ITGB2: variants seen among roughly 807,000 people sequenced by gnomAD.
ITGB2 encodes integrin subunit beta 2, also known as integrin beta-2.
A neutral mutation model predicts 86.8 loss-of-function variants in ITGB2; 56 were observed. That is an observed-to-expected ratio of 0.65 (90% CI 0.52 to 0.81). The LOEUF (loss-of-function observed/expected upper bound fraction) is 0.81. Ranked by LOEUF, ITGB2 falls within the 30% of genes least tolerant of loss-of-function variation. ITGB2 has a pLI of 0.00. For missense variants in ITGB2, 948 were observed against 1,061.2 expected (o/e 0.89, Z 1.48); for synonymous variants, 457 against 450.4 (o/e 1.01, Z -0.19).
chr21:44,920,169 A>C (rs1329564756), intron 1 of ITGB2, among the ~76,000 whole-genome samples: 4 of 152,106 alleles, frequency 2.6e-5, no homozygotes, highest in African/African-American at 9.7e-5. Context: ...ACTACATTAC[A>C]CATGTGCACC....
At chr21:44,888,032 G>A (rs2083724672) in intron 14 of ITGB2, among the ~76,000 whole-genome samples, 1 of 152,262 alleles carries the variant, frequency 6.6e-6, no homozygotes, top group African/African-American at 2.4e-5. Context: ...AGCAGGGCCA[G>A]TGTCACCAAG....
rs749722626 is a variant in ITGB2 at position 44,886,342 on chromosome 21, G to A, written c.*26C>T. 1.2e-6 allele frequency: 2 copies of A among 1,608,992 alleles called. No individual in the cohort carries two copies. The highest frequency in any genetic ancestry group is 2.2e-5 in the South Asian group (2 of 90,968). ...TGATGGGGCAGACATGGTGGGTCCT[G>A]ACGGCCTTGTCTTCACCAAGTGCTC... On this transcript the variant is annotated 3_prime_UTR_variant, in exon 16 of 16. Transcript: ENST00000652462.
chr21:44,901,890 G>A (rs560791894), intron 5 of ITGB2, 157 bp from the exon 6 acceptor site: 79 of 805,916 alleles, frequency 9.8e-5, no homozygotes, highest in African/African-American at 5.2e-4. Flanking sequence ...GAGCATGTGC[G>A]TTGTGCAAGC....
rs771255185 is a variant in ITGB2, at chr21:44,903,368, T to C, written c.496A>G (p.Ile166Val). 7 of 1,613,992 alleles carry C rather than the reference T, an allele frequency of 4.3e-6. No individual in the cohort carries two copies. Among genetic ancestry groups the C allele is most frequent in the Non-Finnish European group, 5.9e-6 (7 of 1,179,924 alleles). ...TCCTGCAGTGCCTGGGCCTCACCAA[T>C]GCGGCCGGACTCGGTGATCTCGTTG... ...ALNEITESGR[I>V]GFGSFVDKTV... Residue 166 changes from isoleucine (I) to valine (V), a missense_variant, in exon 5 of 16, where the codon ATT becomes GTT. Transcript: ENST00000652462.
intron 8 of ITGB2, among the ~76,000 whole-genome samples, chr21:44,895,669 C>T (rs953105338): frequency 1.3e-5 from 2 of 151,892 alleles, no homozygotes; most frequent in Non-Finnish European, 2.9e-5. Flanking sequence ...GGTGAAACCC[C>T]GTCTCTACTA....
chr21:44,918,939 G>GCACTCGGAGCTGAGCAT (rs375232103), intron 1 of ITGB2, among the ~76,000 whole-genome samples: 32 of 75,240 alleles, frequency 4.3e-4, no homozygotes, highest in Admixed American at 3.6e-3. Flanking sequence ...GTGGCTAAGC[G>GCACTCGGAGCTGAGCAT]TCCCCTCTCC....
At chr21:44,890,815 A>G (rs1007619869) in intron 11 of ITGB2, among the ~76,000 whole-genome samples, 1 of 151,934 alleles carries the variant, frequency 6.6e-6, no homozygotes, top group Non-Finnish European at 1.5e-5. Context: ...GTGTCTGAGT[A>G]CCTGTGGCAG....
At chr21:44,919,921 G>A (rs1338999914) in intron 1 of ITGB2, among the ~76,000 whole-genome samples, 1 of 152,184 alleles carries the variant, frequency 6.6e-6, no homozygotes, top group Non-Finnish European at 1.5e-5. Flanking sequence ...GGGGAAGGGG[G>A]CCAGGTGGGC....
intron 1 of ITGB2, among the ~76,000 whole-genome samples, chr21:44,913,318 A>T (rs1362889581): frequency 1.3e-5 from 2 of 152,116 alleles, no homozygotes; most frequent in Non-Finnish European, 2.9e-5. Context: ...GACCAGTGGC[A>T]TGCAAACACT....
At chr21:44,928,048 A>G (rs1448576027) in intron 1 of ITGB2, 6 of 130,318 alleles carry the variant, frequency 4.6e-5, no homozygotes, top group African/African-American at 1.8e-4. Context: ...GCAGCTTCCC[A>G]CACTGGGAGC....
Position 44,926,361 on chromosome 21 carries a change from G to A in ITGB2, c.-4+2293C>T, listed in dbSNP as rs531029538. Among the ~76,000 whole-genome samples the A allele has an allele frequency of 2.3e-3, 352 of 152,326 alleles. 1 individual carries two copies. Among genetic ancestry groups the A allele is most frequent in the African/African-American group, 8.1e-3 (338 of 41,560 alleles). On this transcript the variant is annotated intron_variant, in intron 1 of 15. Coordinates refer to the ITGB2 transcript ENST00000355153. ...GTGGAGACAAGTGAGTAATTGGTGCGTTTAGTGTAAAAATATCAGGTGTGG... is the reference window on the plus strand; with the variant it reads ...GTGGAGACAAGTGAGTAATTGGTGCATTTAGTGTAAAAATATCAGGTGTGG...
At chr21:44,910,008 C>T (rs1304948277) in intron 3 of ITGB2, among the ~76,000 whole-genome samples, 2 of 152,208 alleles carry the variant, frequency 1.3e-5, no homozygotes, top group Non-Finnish European at 2.9e-5. Context: ...TTAAGAAAGA[C>T]CTCCCTTGAA....
At chr21:44,887,635 C>T (rs972298713) in intron 14 of ITGB2, among the ~76,000 whole-genome samples, 81 of 152,094 alleles carry the variant, frequency 5.3e-4, no homozygotes, top group Admixed American at 1.4e-3. Context: ...TCTCACTCCC[C>T]GTGCCCCCTC....
At chr21:44,928,351 CA>C (rs1371958512) in intron 1 of ITGB2, 3 of 152,228 alleles carry the variant, frequency 2.0e-5, no homozygotes, top group African/African-American at 7.2e-5. Context: ...CGATGGACTC[CA>C]GGGGGAAAAC....
At chr21:44,927,944 G>T (rs2084396484) in intron 1 of ITGB2, 1 of 152,374 alleles carries the variant, frequency 6.6e-6, no homozygotes, top group Non-Finnish European at 1.5e-5. Context: ...GGGAAGGCAG[G>T]TGAGTGTAGG....
chr21:44,890,090 C>A lies in ITGB2; in HGVS notation c.1545G>T (p.Gly515=). Residue 515 remains glycine, a synonymous_variant, in exon 12 of 16, where the codon GGG becomes GGT. Transcript: ENST00000652462. The stretch of plus-strand genomic sequence containing the variant: ...CGTCGCTGGTGTGGCACAGGCACTG[C>A]CCGCAGACACAGTCCCCCAGCCCTG... ...ICSGLGDCVC[G]QCLCHTSDVP... is the part of the protein sequence containing the mutation. The A allele has an allele frequency of 6.2e-7, 1 of 1,613,488 alleles. No homozygotes were observed. The highest frequency in any genetic ancestry group is 2.2e-5 in the East Asian group (1 of 44,868).
intron 1 of ITGB2, chr21:44,928,445 A>G (rs1376897221): frequency 6.6e-6 from 1 of 152,392 alleles, no homozygotes; most frequent in African/African-American, 2.4e-5. Flanking sequence ...GAGCAAAAGC[A>G]CCACGCCGAC....
chr21:44,889,403 T>C lies in ITGB2; in HGVS notation c.1750A>G (p.Asn584Asp). 1 of 1,612,594 alleles carries C rather than the reference T, an allele frequency of 6.2e-7. No homozygotes were observed. The highest frequency in any genetic ancestry group is 8.5e-7 in the Non-Finnish European group (1 of 1,179,724). Residue 584 changes from asparagine to aspartate, a missense_variant, in exon 13 of 16, where the codon AAC (asparagine) becomes GAC (aspartate). Asn to Asp is a conservative substitution (Grantham distance 23). Transcript: ENST00000652462. ...CCACTACACTCAACACGCCGCGGGT[T>C]CAGGCAGCCCTCAGTGGTCCTCTCG... Reference protein sequence around the residue: ...QCERTTEGCLNPRRVECSGRG... With the variant: ...QCERTTEGCLDPRRVECSGRG...
upstream of ITGB2, among the ~76,000 whole-genome samples, chr21:44,922,700 A>G (rs1482304811): frequency 6.6e-6 from 1 of 151,974 alleles, no homozygotes; most frequent in Non-Finnish European, 1.5e-5. Context: ...AAAAGAAAAA[A>G]GTAAGGGAAA....
Sources: allele counts gnomAD v4.1 joint callset (sites outside exome capture counted in the v4.1 genomes callset), GRCh38; gene constraint gnomAD v4.1.1; transcripts MANE v1.5; gene names NCBI Gene and HGNC (gene_info 2026-07-23, HGNC 2026-07-21).